The following TTN variants were observed in gnomAD, a reference collection of about 807,000 sequenced individuals.
The protein encoded by TTN is titin, also known as connectin.
In TTN, 1,525 loss-of-function variants were observed where a neutral mutation model predicts 3,223.0. That is an observed-to-expected ratio of 0.47 (90% CI 0.45 to 0.49). The LOEUF (loss-of-function observed/expected upper bound fraction) is 0.49. TTN is among the 20% of genes least tolerant of loss of function. The probability of loss-of-function intolerance (pLI) is 0.00; values close to 1 mark genes in which losing one functional copy is unlikely to be tolerated. For synonymous variants in TTN, 14,094 were observed against 15,161.0 expected, an observed-to-expected ratio of 0.93 and a Z score of 5.17; for missense variants, 40,786 against 43,424.0, an observed-to-expected ratio of 0.94 and a Z score of 5.40.
rs1430077040 is a variant in TTN, at chr2:178,706,559, A to T, written c.29315T>A (p.Val9772Glu). ...TKTDSGLYRC[V>E]AFNEHGEIES... ...AATTTCACCATGTTCGTTAAATGCC[A>T]CGCATCGGTATAACCCAGAATCAGT... The change falls in exon 102 of 363, where the codon GTG becomes GAG. Residue 9772 changes from valine to glutamate, a missense_variant. Physicochemically the swap from Val to Glu is moderately radical, Grantham distance 121. Transcript: ENST00000589042. The T allele has an allele frequency of 6.2e-7, 1 of 1,613,896 alleles. No homozygotes were observed. The highest frequency in any genetic ancestry group is 1.1e-5 in the South Asian group (1 of 91,074).
At chr2:178,800,988 T>C (rs1259346424) in intron 3 of TTN, among the ~76,000 whole-genome samples, 1 of 152,264 alleles carries the variant, frequency 6.6e-6, no homozygotes, top group Non-Finnish European at 1.5e-5. Flanking sequence ...TTCTTGAGAA[T>C]CTTTCTGGTA....
At position 178,737,938 on chromosome 2, in the gene TTN, T is replaced by C. The variant is rs1022306814; in HGVS notation, c.14371+144A>G. 3 of 948,052 alleles carry C rather than the reference T, an allele frequency of 3.2e-6. No individual in the cohort carries two copies. The South Asian group carries it at 5.4e-5, about 17-fold the overall frequency. 58.7% of individuals were successfully genotyped at this position (948,052 alleles called of 1,614,324 possible). A position where few individuals can be genotyped will look rare whatever the true frequency, so the allele number is the denominator to read the frequency against. ...ATGATTTCTTATCCCATATAGGCTC[T>C]GCAGTACCTACCTACCATGTTACTG... On this transcript the variant is annotated intron_variant, in intron 49 of 362. Coordinates refer to ENST00000589042, the MANE Select transcript of TTN (RefSeq NM_001267550.2).
chr2:178,769,641 A>T, intron 37 of TTN, 38 bp downstream of exon 37: 3 of 1,299,092 alleles, frequency 2.3e-6, no homozygotes, highest in Non-Finnish European at 3.0e-6. Context: ...GATATTTTAT[A>T]TATATGTGTA....
Position 178,577,176 on chromosome 2 carries a change from A to AACACTGTT in TTN, c.69158_69159insAACAGTGT (p.Ala23054ThrfsTer67). The AACACTGTT allele has an allele frequency of 6.2e-7, 1 of 1,613,024 alleles. No homozygotes were observed. Among genetic ancestry groups the AACACTGTT allele is most frequent in the Non-Finnish European group, 8.5e-7 (1 of 1,179,422 alleles). On this transcript the variant is annotated frameshift_variant, in exon 324 of 363. Transcript: ENST00000589042. LOFTEE classifies it high-confidence loss of function. ...TCCATGTAAGTGTTGCTTTTTCAGCAGAAACATTACTGATTTCAACAGGAC... is the reference window on the plus strand; with the variant it reads ...TCCATGTAAGTGTTGCTTTTTCAGCAACACTGTTGAAACATTACTGATTTCAACAGGAC...
At chr2:178,690,838 G>A (rs954943575) in intron 121 of TTN, among the ~76,000 whole-genome samples, 3 of 151,966 alleles carry the variant, frequency 2.0e-5, no homozygotes, top group Non-Finnish European at 4.4e-5. Context: ...GTTTTTATGA[G>A]TAAATGAGAG....
At chr2:178,759,260 G>A in intron 43 of TTN, 88 bp from the exon 44 acceptor site, 1 of 1,301,570 alleles carries the variant, frequency 7.7e-7, no homozygotes, top group Non-Finnish European at 1.1e-6. Flanking sequence ...AATAATACTA[G>A]TGCCTACATT....
chr2:178,792,147 T>G lies in TTN; in HGVS notation c.1587A>C (p.Ala529=), dbSNP rs1453197366. 2 of 1,612,118 alleles carry G rather than the reference T, an allele frequency of 1.2e-6. No homozygotes were observed. The highest frequency in any genetic ancestry group is 2.2e-5 in the South Asian group (2 of 90,544). ...TAGTTTCTTGTTCTTTGGCTTTAGC[T>G]GCGGAAATTACTACCTTTGGTACAA... ...KTFVPKVVIS[A]AKAKEQETRI... is the part of the protein sequence containing the mutation. The change falls in exon 10 of 363, where the codon GCA becomes GCC. Residue 529 remains alanine, a synonymous_variant. Transcript: ENST00000589042.
rs1574049717 is a variant in TTN at position 178,738,165 on chromosome 2, T to A, written c.14288A>T (p.Gln4763Leu). The A allele has an allele frequency of 6.2e-7, 1 of 1,613,838 alleles. No homozygotes were observed. Among genetic ancestry groups the A allele is most frequent in the Admixed American group, 1.7e-5 (1 of 60,012 alleles). ...TGTATACTCGCCGCAGTCAACCACCTGGGTTCTCAGGATTTCAAGGCTGGA... is the reference window on the plus strand; with the variant it reads ...TGTATACTCGCCGCAGTCAACCACCAGGGTTCTCAGGATTTCAAGGCTGGA... ...YISSLEILRT[Q>L]VVDCGEYTCK... The change falls in exon 49 of 363, where the codon CAG (glutamine) becomes CTG (leucine). Residue 4763 changes from glutamine to leucine, a missense_variant. Coordinates refer to ENST00000589042, the MANE Select transcript of TTN (RefSeq NM_001267550.2).
intron 111 of TTN, among the ~76,000 whole-genome samples, chr2:178,699,178 A>G (rs1275486826): frequency 6.6e-6 from 1 of 151,802 alleles, no homozygotes; most frequent in Non-Finnish European, 1.5e-5. Context: ...AAGTTTTCAG[A>G]ACATGGAGTG....
intron 239 of TTN, among the ~76,000 whole-genome samples, chr2:178,629,933 T>C (rs966587125): frequency 3.9e-5 from 6 of 152,008 alleles, no homozygotes; most frequent in African/African-American, 1.2e-4. Context: ...TTGAGGGAAG[T>C]GGTCTTTAAG....
rs751333578 is a variant in TTN at position 178,793,560 on chromosome 2, G to A, written c.1399-19C>T. 6.2e-7 allele frequency: 1 copy of A among 1,612,744 alleles called. No individual in the cohort carries two copies. The highest frequency in any genetic ancestry group is 8.5e-7 in the Non-Finnish European group (1 of 1,179,990). On this transcript the variant is annotated intron_variant, in intron 8 of 362. Transcript: ENST00000589042. ...TTCTTACCTGCTTTTCATAGAGAAAGGAAGAAAACACCTTAATGCATCTTA... is the reference window on the plus strand; with the variant it reads ...TTCTTACCTGCTTTTCATAGAGAAAAGAAGAAAACACCTTAATGCATCTTA...
chr2:178,649,517 A>G (rs1388248303), intron 212 of TTN, 37 bp downstream of exon 212: 2 of 1,532,230 alleles, frequency 1.3e-6, no homozygotes, highest in African/African-American at 2.8e-5. Context: ...ATATCAGAAT[A>G]CTTTCTTTTT....
rs1352118661 is a variant in TTN, at chr2:178,685,692, G to C, written c.32312-94C>G. The stretch of plus-strand genomic sequence containing the variant: ...ATCACTTCAAAGAGTAATCAAAATA[G>C]CAAAAGTTTAACCCTTGCCAAACCC... On this transcript the variant is annotated intron_variant, in intron 127 of 362. Transcript: ENST00000589042. 3.9e-6 allele frequency: 5 copies of C among 1,290,532 alleles called. No homozygotes were observed. In the African/African-American group the frequency reaches 7.5e-5, roughly 19 times the overall value. The allele number at this position is 1,290,532 out of a possible 1,614,324, so 79.9% of individuals were successfully genotyped here.
In TTN at chr2:178,576,301, C is replaced by A; in HGVS notation, c.69831G>T (p.Val23277=). The A allele has an allele frequency of 6.3e-7, 1 of 1,587,238 alleles. No homozygotes were observed. The highest frequency in any genetic ancestry group is 8.6e-7 in the Non-Finnish European group (1 of 1,169,224). The change falls in exon 326 of 363, where the codon GTG becomes GTT. Residue 23277 remains valine, a synonymous_variant. Coordinates refer to ENST00000589042, the MANE Select transcript of TTN (RefSeq NM_001267550.2). This position sits in a 1 kb window ranked among gnomAD's most constrained non-coding sequence, Gnocchi z 4.3. ...CCTCGTCTCCTACTTTTTGATGCTCCACGACATAGCCAGTGATTTCAAGTC... is the reference window on the plus strand; with the variant it reads ...CCTCGTCTCCTACTTTTTGATGCTCAACGACATAGCCAGTGATTTCAAGTC... ...DGGLEITGYV[V]EHQKVGDEAW...
chr2:178,729,223 A>G (rs761220833), intron 64 of TTN, 54 bp from the exon 65 acceptor site: 58 of 1,549,276 alleles, frequency 3.7e-5, no homozygotes, highest in Non-Finnish European at 4.9e-5. Context: ...ACTCCTACCC[A>G]TAATGATAAG....
chr2:178,694,999 TAC>T, intron 115 of TTN, 93 bp from the exon 116 acceptor site: 2 of 888,004 alleles, frequency 2.3e-6, no homozygotes, highest in Non-Finnish European at 3.4e-6. Flanking sequence ...TATGTGTTTA[TAC>T]ACACCTATAA....
At position 178,779,993 on chromosome 2, in the gene TTN, T is replaced by C. The variant is rs377161059; in HGVS notation, c.3729+7A>G. ...ATTGTTTGGTTGGTCATTACTTTTA[T>C]ACTCACCTGATCTTCTACATAAGTT... On this transcript the variant is annotated splice_region_variant and intron_variant, in intron 22 of 362. Transcript: ENST00000589042. 1.2e-6 allele frequency: 2 copies of C among 1,611,208 alleles called. No individual in the cohort carries two copies. Among genetic ancestry groups the C allele is most frequent in the African/African-American group, 1.3e-5 (1 of 74,834 alleles).
chr2:178,697,021 A>G (rs1218968088), intron 113 of TTN, 100 bp downstream of exon 113: 23 of 1,094,062 alleles, frequency 2.1e-5, no homozygotes, highest in Non-Finnish European at 2.3e-5. Flanking sequence ...AGACTCCACA[A>G]CTTTCAATAA....
chr2:178,730,021 T>TCCCCCCCCCCCC, intron 62 of TTN, 72 bp downstream of exon 62: 26 of 1,557,758 alleles, frequency 1.7e-5, no homozygotes, highest in Middle Eastern at 1.7e-4. Flanking sequence ...GTCTTAAGCG[T>TCCCCCCCCCCCC]CCCCCGCCCC....
Sources: gnomAD v4.1 joint callset for allele counts (sites outside exome capture counted in the v4.1 genomes callset) on GRCh38, gnomAD v4.1.1 for gene constraint, Gnocchi (gnomAD v3.1) non-coding constraint, MANE v1.5 for transcripts, NCBI Gene and HGNC (gene_info 2026-07-23, HGNC 2026-07-21) for gene names.